Variants in SMYD3 observed in about 807,000 individuals in gnomAD.
SMYD3 encodes the protein histone-lysine N-methyltransferase SMYD3.
A neutral mutation model predicts 57.7 loss-of-function variants in SMYD3; 36 were observed. That is an observed-to-expected ratio of 0.62 (90% CI 0.48 to 0.82). The LOEUF is 0.82. Among genes scored for constraint, SMYD3 ranks in the 40% least tolerant of loss-of-function variants. The pLI, the probability that SMYD3 is intolerant of heterozygous loss-of-function variation, is 0.00. For synonymous variants in SMYD3, 211 were observed against 195.0 expected, an observed-to-expected ratio of 1.08 and a Z score of -0.68; for missense variants, 515 against 538.8, an observed-to-expected ratio of 0.96 and a Z score of 0.44.
intron 5 of SMYD3, among the ~76,000 whole-genome samples, chr1:246,292,352 T>TA (rs1228427051): frequency 6.6e-6 from 1 of 151,708 alleles, no homozygotes; most frequent in Non-Finnish European, 1.5e-5. Context: ...ACATTAGACT[T>TA]ACTATCCAAC....
chr1:245,810,944 T>C (rs992496553), intron 10 of SMYD3, among the ~76,000 whole-genome samples: 2 of 152,220 alleles, frequency 1.3e-5, no homozygotes, highest in Non-Finnish European at 2.9e-5. Flanking sequence ...AGTGAGGTTA[T>C]CACATACTCT....
intron 5 of SMYD3, chr1:245,953,203 T>C: frequency 1.0e-6 from 1 of 990,872 alleles, no homozygotes; most frequent in Non-Finnish European, 1.2e-6. Context: ...TATCAGTATA[T>C]CTGGAGAAAG....
At chr1:245,791,952 TTGTG>T (rs59018021) in intron 10 of SMYD3, among the ~76,000 whole-genome samples, 123 of 146,232 alleles carry the variant, frequency 8.4e-4, no homozygotes, top group African/African-American at 1.5e-3. Context: ...AATTTTAAAC[TTGTG>T]TGTGTGTGTG....
chr1:246,475,521 C>A (rs956414454), intron 1 of SMYD3, among the ~76,000 whole-genome samples: 3 of 151,840 alleles, frequency 2.0e-5, no homozygotes, highest in African/African-American at 7.2e-5. Flanking sequence ...TGGCGCGTGC[C>A]TGTAGTCCCA....
intron 1 of SMYD3, among the ~76,000 whole-genome samples, chr1:246,474,558 G>A (rs1218691927): frequency 6.6e-6 from 1 of 150,408 alleles, no homozygotes; most frequent in African/African-American, 2.4e-5. Flanking sequence ...CAGGAGTAAT[G>A]AGGTTTCACT....
intron 11 of SMYD3, among the ~76,000 whole-genome samples, chr1:245,757,869 TTTCTTC>T (rs560196498): frequency 6.6e-6 from 1 of 152,124 alleles, no homozygotes; most frequent in Non-Finnish European, 1.5e-5. Context: ...GTTCTCCATA[TTTCTTC>T]TTCTTTTTCA....
chr1:246,091,009 AACT>A (rs1396772141), intron 5 of SMYD3, among the ~76,000 whole-genome samples: 1 of 152,194 alleles, frequency 6.6e-6, no homozygotes, highest in East Asian at 1.9e-4. Flanking sequence ...AACGGACTCC[AACT>A]CTGCCCTTTC....
intron 2 of SMYD3, among the ~76,000 whole-genome samples, chr1:246,344,726 G>C (rs1382764699): frequency 6.6e-6 from 1 of 152,162 alleles, no homozygotes; most frequent in East Asian, 1.9e-4. Context: ...CCATCACCTT[G>C]CCAGCACTTG....
chr1:245,761,837 G>A (rs1421679575), intron 11 of SMYD3, among the ~76,000 whole-genome samples: 1 of 144,008 alleles, frequency 6.9e-6, no homozygotes, highest in Non-Finnish European at 1.5e-5. Context: ...CCAGGCTGGA[G>A]TGCAATGGTG....
At chr1:246,257,659 T>C (rs2063921124) in intron 5 of SMYD3, among the ~76,000 whole-genome samples, 1 of 152,230 alleles carries the variant, frequency 6.6e-6, no homozygotes, top group African/African-American at 2.4e-5. Context: ...GACCCTATCA[T>C]GAAATTGTTA....
chr1:246,230,092 A>C (rs74933836), intron 5 of SMYD3, among the ~76,000 whole-genome samples: 3,749 of 152,288 alleles, frequency 0.025, 149 homozygotes, highest in African/African-American at 0.085. Context: ...TACTCTAATG[A>C]ATGTGTGAAG....
intron 10 of SMYD3, among the ~76,000 whole-genome samples, chr1:245,839,234 A>G (rs2050264268): frequency 6.6e-6 from 1 of 152,110 alleles, no homozygotes; most frequent in South Asian, 2.1e-4. Flanking sequence ...CAGTGGTGCT[A>G]TCTCAGCTCA....
rs144623671 is a variant in SMYD3, at chr1:245,773,908, C to G, written c.1077-9759G>C. On this transcript the variant is annotated intron_variant, in intron 10 of 11. Coordinates refer to ENST00000490107, the MANE Select transcript of SMYD3 (RefSeq NM_001167740.2). ...ATCATTCAGATCATTCCTCAAGAAACTTAACAGCAGAAAGTTTAAAATTTT... is the reference window on the plus strand; with the variant it reads ...ATCATTCAGATCATTCCTCAAGAAAGTTAACAGCAGAAAGTTTAAAATTTT... Among the ~76,000 whole-genome samples, 793 of 152,212 alleles carry G rather than the reference C, an allele frequency of 5.2e-3. 4 individuals are homozygous for G. The highest frequency in any genetic ancestry group is 0.017 in the African/African-American group (705 of 41,534).
intron 1 of SMYD3, among the ~76,000 whole-genome samples, chr1:246,486,041 A>C (rs1374864988): frequency 6.6e-6 from 1 of 152,250 alleles, no homozygotes; most frequent in Non-Finnish European, 1.5e-5. Context: ...TATACTGAGT[A>C]AAATGTATCA....
At chr1:245,773,636 T>C (rs1216093293) in intron 10 of SMYD3, among the ~76,000 whole-genome samples, 1 of 152,212 alleles carries the variant, frequency 6.6e-6, no homozygotes, top group Non-Finnish European at 1.5e-5. Flanking sequence ...TGCTGTCCTT[T>C]TGCCTGTCTC....
intron 5 of SMYD3, among the ~76,000 whole-genome samples, chr1:246,097,751 T>C (rs78051585): frequency 0.03 from 4,494 of 152,148 alleles, 216 homozygotes; most frequent in African/African-American, 0.1. Context: ...ATCATATCAA[T>C]ATGATGTAGA....
chr1:246,490,726 G>T (rs1010441904), intron 1 of SMYD3, among the ~76,000 whole-genome samples: 1 of 152,052 alleles, frequency 6.6e-6, no homozygotes, highest in Non-Finnish European at 1.5e-5. Flanking sequence ...AATTAGCCAG[G>T]TATAGTGGCA....
At chr1:245,892,906 C>T (rs1481876102) in intron 8 of SMYD3, among the ~76,000 whole-genome samples, 1 of 152,122 alleles carries the variant, frequency 6.6e-6, no homozygotes, top group Non-Finnish European at 1.5e-5. Flanking sequence ...TTTAAAACTT[C>T]TGCTTTTCAT....
intron 5 of SMYD3, among the ~76,000 whole-genome samples, chr1:246,196,048 CCT>C (rs1558307399): frequency 5.3e-5 from 8 of 152,116 alleles, no homozygotes; most frequent in African/African-American, 1.7e-4. Flanking sequence ...TAAAAAAAAA[CCT>C]CCCTTTGCAG....
Sources: allele counts gnomAD v4.1 joint callset (sites outside exome capture counted in the v4.1 genomes callset), GRCh38; gene constraint gnomAD v4.1.1; transcripts MANE v1.5; gene names NCBI Gene and HGNC (gene_info 2026-07-23, HGNC 2026-07-21).